The following ATF3 variants were observed in gnomAD, a reference collection of about 807,000 sequenced individuals.
ATF3 encodes the protein cyclic AMP-dependent transcription factor ATF-3.
Under a neutral mutation model 18.4 loss-of-function variants are expected in ATF3, and 10 were observed. The observed-to-expected ratio is 0.54, with a 90% CI of 0.34 to 0.92. The LOEUF is 0.92. Ranked by LOEUF, ATF3 falls within the 40% of genes least tolerant of loss-of-function variation. The pLI, the probability that ATF3 is intolerant of heterozygous loss-of-function variation, is 0.02. For missense variants in ATF3, 183 were observed against 222.3 expected (o/e 0.82, Z 1.12); for synonymous variants, 78 against 87.9 (o/e 0.89, Z 0.63).
At chr1:212,585,172 A>T (rs967841828) in intron 1 of ATF3, among the ~76,000 whole-genome samples, 1 of 152,208 alleles carries the variant, frequency 6.6e-6, no homozygotes, top group African/African-American at 2.4e-5. Flanking sequence ...AGGATTACTA[A>T]CAGAGCTGGG....
intron 2 of ATF3, among the ~76,000 whole-genome samples, chr1:212,615,584 A>G (rs1342707559): frequency 6.6e-6 from 1 of 151,774 alleles, no homozygotes; most frequent in East Asian, 2.0e-4. Context: ...CCAAGATGGG[A>G]TTATCGCTTG....
chr1:212,612,052 C>T (rs1208338603), intron 1 of ATF3, among the ~76,000 whole-genome samples: 1 of 152,174 alleles, frequency 6.6e-6, no homozygotes. Context: ...CTGAATCATA[C>T]CTCGAGAGAC....
At chr1:212,603,876 C>T (rs1383811821), upstream of ATF3, among the ~76,000 whole-genome samples, 1 of 151,636 alleles carries the variant, frequency 6.6e-6, no homozygotes, top group African/African-American at 2.4e-5. Context: ...ATATACCATT[C>T]GAGGTAATAA....
intron 1 of ATF3, among the ~76,000 whole-genome samples, chr1:212,610,453 A>G (rs1350622547): frequency 6.6e-6 from 1 of 152,214 alleles, no homozygotes; most frequent in East Asian, 1.9e-4. Context: ...TACAACATAC[A>G]GGCTCCTGCT....
At chr1:212,595,406 C>G (rs749335980) in intron 1 of ATF3, among the ~76,000 whole-genome samples, 6 of 152,194 alleles carry the variant, frequency 3.9e-5, no homozygotes, top group Non-Finnish European at 7.3e-5. Flanking sequence ...TCAAGTCCAG[C>G]TAGTGAGCTG....
chr1:212,609,163 C>G, intron 1 of ATF3, among the ~76,000 whole-genome samples: 1 of 152,240 alleles, frequency 6.6e-6, no homozygotes, highest in Non-Finnish European at 1.5e-5. Context: ...TGACTTGGGG[C>G]GCGAAAGGTT....
rs1455556195 is a variant in ATF3, at chr1:212,615,033, A to T, written c.12A>T (p.Gln4His). Residue 4 changes from glutamine to histidine, a missense_variant, in exon 2 of 4, where the codon CAA becomes CAT. Transcript: ENST00000341491. The part of the protein sequence containing the change: MML[Q>H]HPGQVSASEV... ...TGTCTTTCAGCAAAATGATGCTTCA[A>T]CACCCAGGCCAGGTCTCTGCCTCGG... 1 of 1,614,022 alleles carries T rather than the reference A, an allele frequency of 6.2e-7. No homozygotes were observed. Among genetic ancestry groups the T allele is most frequent in the Non-Finnish European group, 8.5e-7 (1 of 1,180,036 alleles).
upstream of ATF3, among the ~76,000 whole-genome samples, chr1:212,606,937 C>A (rs1169366185): frequency 1.3e-5 from 2 of 152,198 alleles, no homozygotes; most frequent in African/African-American, 4.8e-5. Context: ...GAGGGTGGGG[C>A]CCGGAGAGCC....
At chr1:212,609,857 G>T (rs1252867069) in intron 1 of ATF3, among the ~76,000 whole-genome samples, 1 of 152,180 alleles carries the variant, frequency 6.6e-6, no homozygotes, top group African/African-American at 2.4e-5. Flanking sequence ...ATGCGGAGCC[G>T]GGAAATAAGG....
intron 1 of ATF3, among the ~76,000 whole-genome samples, chr1:212,613,123 A>G (rs952690851): frequency 1.3e-5 from 2 of 152,300 alleles, no homozygotes; most frequent in African/African-American, 4.8e-5. Context: ...AATTTTGTGG[A>G]TAAGAGACCC....
intron 1 of ATF3, among the ~76,000 whole-genome samples, chr1:212,577,011 G>A (rs1358855621): frequency 6.6e-6 from 1 of 152,008 alleles, no homozygotes; most frequent in East Asian, 1.9e-4. Context: ...GATTACAGGC[G>A]TGAGCCACCG....
chr1:212,579,709 T>G (rs1358959519), intron 1 of ATF3, among the ~76,000 whole-genome samples: 1 of 152,228 alleles, frequency 6.6e-6, no homozygotes, highest in East Asian at 1.9e-4. Context: ...ATTCCTCTTC[T>G]GTAAAATGAG....
chr1:212,615,426 T>C (rs925869632), intron 2 of ATF3, among the ~76,000 whole-genome samples, 165 bp downstream of exon 2: 1 of 151,990 alleles, frequency 6.6e-6, no homozygotes, highest in Non-Finnish European at 1.5e-5. Context: ...GTACATAACA[T>C]ACGTAAGTAC....
intron 1 of ATF3, among the ~76,000 whole-genome samples, chr1:212,600,303 A>T (rs1250376611): frequency 6.6e-6 from 1 of 152,236 alleles, no homozygotes; most frequent in Non-Finnish European, 1.5e-5. Flanking sequence ...CTGGGGACAG[A>T]GTCCAAACTG....
At chr1:212,600,553 T>C (rs531338270) in intron 1 of ATF3, among the ~76,000 whole-genome samples, 72 of 152,322 alleles carry the variant, frequency 4.7e-4, no homozygotes, top group African/African-American at 1.7e-3. Flanking sequence ...CACAGCCCCT[T>C]CCTGGCACTC....
intron 1 of ATF3, among the ~76,000 whole-genome samples, chr1:212,565,948 T>G (rs1407676158): frequency 6.6e-6 from 1 of 152,186 alleles, no homozygotes; most frequent in East Asian, 1.9e-4. Context: ...TCCTTGACAT[T>G]CCTGCCTGTT....
chr1:212,605,302 T>C (rs1654590134), upstream of ATF3, among the ~76,000 whole-genome samples: 1 of 152,228 alleles, frequency 6.6e-6, no homozygotes, highest in Admixed American at 6.5e-5. Flanking sequence ...TGCCCCTGTT[T>C]CCTGACAATG....
intron 1 of ATF3, among the ~76,000 whole-genome samples, chr1:212,584,265 T>C (rs2102628982): frequency 6.6e-6 from 1 of 152,272 alleles, no homozygotes; most frequent in East Asian, 1.9e-4. Flanking sequence ...CAGCTGTTAC[T>C]CCCTGTGTTA....
At chr1:212,614,548 C>A (rs112552342) in intron 1 of ATF3, among the ~76,000 whole-genome samples, 1 of 108,010 alleles carries the variant, frequency 9.3e-6, no homozygotes, top group African/African-American at 3.5e-5. Context: ...GAAAAAGAGG[C>A]TTTTTTTTTT....
Sources: allele counts gnomAD v4.1 joint callset (sites outside exome capture counted in the v4.1 genomes callset), GRCh38; gene constraint gnomAD v4.1.1; transcripts MANE v1.5; gene names NCBI Gene and HGNC (gene_info 2026-07-23, HGNC 2026-07-21).